Variants in ANO4 observed in about 807,000 individuals in gnomAD.
The protein encoded by ANO4 is anoctamin 4.
In ANO4, 69 loss-of-function variants were observed where a neutral mutation model predicts 141.9. The observed-to-expected ratio is 0.49, with a 90% CI of 0.40 to 0.59. The LOEUF is 0.59. Ranked by LOEUF, ANO4 falls within the 20% of genes least tolerant of loss-of-function variation. The pLI is 0.00. For synonymous variants in ANO4, 350 were observed against 394.3 expected (o/e 0.89, Z 1.33); for missense variants, 894 against 1,162.2 (o/e 0.77, Z 3.36).
At position 101,097,699 on chromosome 12, in the gene ANO4, A is replaced by G; in HGVS notation, c.1899A>G (p.Arg633=). The G allele has an allele frequency of 6.2e-7, 1 of 1,613,812 alleles. No individual in the cohort carries two copies. Among genetic ancestry groups the G allele is most frequent in the South Asian group, 1.1e-5 (1 of 91,078 alleles). The change falls in exon 20 of 28, where the codon AGA becomes AGG. Residue 633 remains arginine (R), a synonymous_variant. Transcript: ENST00000392977. ...GAYLRLINRW[R]LEECHPSGCL... ...ACTTGAGGCTGATAAACAGGTGGAG[A>G]CTAGAAGAGGTCTGTATTCTCCCAT... is the stretch of plus-strand genomic sequence containing the variant.
At chr12:100,991,316 TA>T (rs1247776317) in intron 8 of ANO4, among the ~76,000 whole-genome samples, 1 of 152,114 alleles carries the variant, frequency 6.6e-6, no homozygotes, top group Non-Finnish European at 1.5e-5. Flanking sequence ...GGATTTAAAT[TA>T]ATCAGAAGTA....
At chr12:100,728,241 T>C in intron 1 of ANO4, among the ~76,000 whole-genome samples, 1 of 152,216 alleles carries the variant, frequency 6.6e-6, no homozygotes, top group Non-Finnish European at 1.5e-5. Flanking sequence ...TATTTTCTTT[T>C]GTTATAAGAT....
chr12:100,865,494 G>A (rs750531092), intron 1 of ANO4, among the ~76,000 whole-genome samples: 66 of 152,130 alleles, frequency 4.3e-4, no homozygotes, highest in Non-Finnish European at 6.0e-4. Flanking sequence ...AAAAGTGGGC[G>A]AAGGATATGA....
intron 8 of ANO4, among the ~76,000 whole-genome samples, chr12:100,988,053 T>C (rs1255055826): frequency 6.6e-6 from 1 of 152,152 alleles, no homozygotes; most frequent in Non-Finnish European, 1.5e-5. Flanking sequence ...CTTTTCCCAT[T>C]GAAAAGAGGG....
intron 22 of ANO4, among the ~76,000 whole-genome samples, chr12:101,103,227 ATATCTT>A (rs2050279675): frequency 9.2e-6 from 1 of 108,850 alleles, no homozygotes; most frequent in African/African-American, 4.1e-5. Context: ...ATATATATAT[ATATCTT>A]TTTGTTCTTG....
chr12:101,024,503 C>T (rs560357265), intron 9 of ANO4, among the ~76,000 whole-genome samples: 2 of 151,708 alleles, frequency 1.3e-5, no homozygotes, highest in South Asian at 2.1e-4. Context: ...AGCTGAGGCA[C>T]GAGAATTGCT....
intron 1 of ANO4, among the ~76,000 whole-genome samples, chr12:100,822,342 A>G (rs1471674839): frequency 6.6e-6 from 1 of 151,978 alleles, no homozygotes; most frequent in Non-Finnish European, 1.5e-5. Flanking sequence ...TTCTTTCCCC[A>G]AAGTCCCAAC....
intron 1 of ANO4, among the ~76,000 whole-genome samples, chr12:100,894,792 C>A (rs1250700829): frequency 6.6e-6 from 1 of 151,720 alleles, no homozygotes; most frequent in East Asian, 1.9e-4. Context: ...CGGTGAAACC[C>A]CGTCTCTACT....
At chr12:101,079,325 C>A (rs757883526) in intron 15 of ANO4, 50 bp downstream of exon 15, 5 of 1,471,592 alleles carry the variant, frequency 3.4e-6, no homozygotes, top group Non-Finnish European at 4.7e-6. Flanking sequence ...CACCCAGAAC[C>A]ACACGACCCC....
chr12:100,865,147 A>G (rs986246260), intron 1 of ANO4, among the ~76,000 whole-genome samples: 3 of 152,218 alleles, frequency 2.0e-5, no homozygotes, highest in Non-Finnish European at 2.9e-5. Context: ...GTACATACCC[A>G]GTAATGGGAT....
In ANO4 at chr12:100,922,294, G is replaced by A; in HGVS notation, c.124G>A (p.Val42Met). Residue 42 changes from valine (V) to methionine (M), a missense_variant, in exon 3 of 28, where the codon GTG (valine) becomes ATG (methionine). Val to Met is a conservative substitution (Grantham distance 21). This residue lies in a region of ANO4 where 257 missense variants were observed against 253.0 expected (regional missense o/e 1.02). Coordinates refer to ENST00000392977, the MANE Select transcript of ANO4 (RefSeq NM_001286615.2). Reference protein sequence around the residue: ...QILPDGPKSDVDFSEILNAIQ... With the variant: ...QILPDGPKSDMDFSEILNAIQ... The stretch of plus-strand genomic sequence containing the variant: ...ACTACCTGACGGGCCAAAGAGTGAT[G>A]TGGACTTTTCAGAGATTCTTAATGC... The A allele has an allele frequency of 1.3e-6, 2 of 1,532,840 alleles. No homozygotes were observed. The highest frequency in any genetic ancestry group is 1.7e-4 in the Middle Eastern group (1 of 5,970). 95.0% of individuals were successfully genotyped at this position (1,532,840 alleles called of 1,614,324 possible).
rs2037902893 is a variant in ANO4, at chr12:100,852,046, A to C, written c.-140-49600A>C. Among the ~76,000 whole-genome samples, 3 of 152,154 alleles carry C rather than the reference A, an allele frequency of 2.0e-5. No homozygotes were observed. The South Asian group carries it at 6.2e-4, about 32-fold the overall frequency. ...TGCTTGGGTTTTTACTCTTAATGAC[A>C]CAGGAATCATTGCAAAGACTTAAAT... On this transcript the variant is annotated intron_variant, in intron 1 of 27. Transcript: ENST00000392977.
chr12:101,103,973 A>AT (rs552551573), intron 22 of ANO4, among the ~76,000 whole-genome samples: 2 of 151,778 alleles, frequency 1.3e-5, no homozygotes, highest in Non-Finnish European at 3.0e-5. Flanking sequence ...TTAGTCATGT[A>AT]TTTTTTCAAG....
At position 101,116,695 on chromosome 12, in the gene ANO4, G is replaced by A. The variant is rs765130825; in HGVS notation, c.2467G>A (p.Val823Met). The change falls in exon 25 of 28, where the codon GTG becomes ATG. Residue 823 changes from valine (V) to methionine (M), a missense_variant. Coordinates refer to ENST00000392977, the MANE Select transcript of ANO4 (RefSeq NM_001286615.2). ...CTCTTATAGGTGCATGGTTGGCTAT[G>A]TGAATGCCAGCTTGTCTGTATTTCG... ...EAGQKCMVGY[V>M]NASLSVFRIS... 4 of 1,614,170 alleles carry A rather than the reference G, an allele frequency of 2.5e-6. No individual in the cohort carries two copies. In the South Asian group the frequency reaches 4.4e-5, roughly 18 times the overall value.
chr12:100,788,093 CT>C (rs879460092), intron 3 of ANO4, among the ~76,000 whole-genome samples: 5 of 152,164 alleles, frequency 3.3e-5, no homozygotes, highest in Non-Finnish European at 7.4e-5. Flanking sequence ...TCCTCTAAGG[CT>C]AGGCCAATGA....
At chr12:100,881,169 G>A (rs2039549605) in intron 1 of ANO4, among the ~76,000 whole-genome samples, 2 of 151,824 alleles carry the variant, frequency 1.3e-5, no homozygotes. Flanking sequence ...AGCATTAGGA[G>A]ATATACCTAA....
chr12:100,727,460 C>A (rs1002408377), intron 1 of ANO4, among the ~76,000 whole-genome samples: 1 of 152,082 alleles, frequency 6.6e-6, no homozygotes, highest in South Asian at 2.1e-4. Flanking sequence ...TGTCTTAAAG[C>A]CTTTTTCCTA....
chr12:101,119,286 T>C lies in ANO4; in HGVS notation c.2571-1234T>C, dbSNP rs918121493. 1.2e-4 allele frequency among the ~76,000 whole-genome samples: 19 copies of C among 152,124 alleles called. 1 individual carries two copies. Among genetic ancestry groups the C allele is most frequent in the African/African-American group, 4.3e-4 (18 of 41,526 alleles). On this transcript the variant is annotated intron_variant, in intron 25 of 27. Transcript: ENST00000392977. ...CAGCCTGGGCAACATGGTAAAACCC[T>C]GTCTCTACCAAAAATACAAAAAAAT...
intron 26 of ANO4, 135 bp downstream of exon 26, chr12:101,120,760 C>A (rs1203468044): frequency 6.1e-6 from 4 of 657,930 alleles, no homozygotes; most frequent in Middle Eastern, 4.0e-4. Context: ...TATTATGTAA[C>A]CTCTTTTTGA....
Sources: allele counts gnomAD v4.1 joint callset (sites outside exome capture counted in the v4.1 genomes callset), GRCh38; gene constraint gnomAD v4.1.1; regional missense constraint gnomAD v4.1.1; transcripts MANE v1.5; gene names NCBI Gene and HGNC (gene_info 2026-07-23, HGNC 2026-07-21).